The following LRRC28 variants were observed in gnomAD, a reference collection of about 807,000 sequenced individuals.
LRRC28 encodes the protein leucine-rich repeat-containing protein 28.
In LRRC28, 39 loss-of-function variants were observed where a neutral mutation model predicts 45.7. The ratio of observed to expected loss-of-function variants is 0.85; its 90% CI spans 0.66 to 1.12. The LOEUF (loss-of-function observed/expected upper bound fraction) is 1.12, where lower values mean the gene tolerates loss of function less well. Among genes scored for constraint, LRRC28 ranks in the 50% most tolerant of loss-of-function variants. LRRC28 has a pLI of 0.00. For synonymous variants in LRRC28, 206 were observed against 178.8 expected (o/e 1.15, Z -1.22); for missense variants, 435 against 438.5 (o/e 0.99, Z 0.07).
In LRRC28 at chr15:99,386,581, C is replaced by G. The variant is rs371070056; in HGVS notation, c.*479C>G. The G allele has an allele frequency of 1.3e-5, 2 of 154,568 alleles. No individual in the cohort carries two copies. Among genetic ancestry groups the G allele is most frequent in the East Asian group, 1.9e-4 (1 of 5,276 alleles). The allele number at this position is 154,568 out of a possible 1,614,324, so 9.6% of individuals were successfully genotyped here. On this transcript the variant is annotated 3_prime_UTR_variant, in exon 10 of 10. Transcript: ENST00000301981. ...GTTTTTGAGGAGTTTCAGCAAACCC[C>G]GTGGCCTCAATGGTCTTGAGTAGCA... is the stretch of plus-strand genomic sequence containing the variant.
At chr15:99,336,636 CACTCCGT>C (rs928750635) in intron 6 of LRRC28, among the ~76,000 whole-genome samples, 1 of 152,170 alleles carries the variant, frequency 6.6e-6, no homozygotes, top group Non-Finnish European at 1.5e-5. Context: ...CTCACCTACC[CACTCCGT>C]ACGCCAACCA....
intron 8 of LRRC28, among the ~76,000 whole-genome samples, chr15:99,362,643 C>T (rs1597434528): frequency 6.6e-6 from 1 of 152,214 alleles, no homozygotes; most frequent in Middle Eastern, 3.4e-3. Context: ...TTATTTCCTC[C>T]TTTTCATTCT....
chr15:99,268,629 C>G (rs1206075182), intron 2 of LRRC28, among the ~76,000 whole-genome samples: 3 of 152,146 alleles, frequency 2.0e-5, no homozygotes, highest in Non-Finnish European at 4.4e-5. Context: ...GTAAGTAAGG[C>G]ACTTGTACAC....
At chr15:99,335,181 G>A (rs991365604) in intron 6 of LRRC28, among the ~76,000 whole-genome samples, 6 of 152,102 alleles carry the variant, frequency 3.9e-5, no homozygotes, top group Non-Finnish European at 8.8e-5. Context: ...AAAAATAAAT[G>A]TACCTGCTGC....
At chr15:99,347,313 C>T (rs1956719294) in intron 6 of LRRC28, among the ~76,000 whole-genome samples, 1 of 151,990 alleles carries the variant, frequency 6.6e-6, no homozygotes, top group African/African-American at 2.4e-5. Context: ...GGGTTCACGC[C>T]CTTCTCTTGC....
intron 5 of LRRC28, among the ~76,000 whole-genome samples, chr15:99,321,854 G>T (rs549918712): frequency 6.6e-6 from 1 of 152,264 alleles, no homozygotes; most frequent in South Asian, 2.1e-4. Flanking sequence ...TTTTCTAGTG[G>T]GAGGTACACA....
In LRRC28 at chr15:99,321,914, C is replaced by T. The variant is rs1284126296; in HGVS notation, c.386-12009C>T. ...GAATAAGTAATTAAATAAGTAAATG[C>T]AGGGAGGGAATAAATAGGATGCTAC... is the stretch of plus-strand genomic sequence containing the variant. On this transcript the variant is annotated intron_variant, in intron 5 of 9. Coordinates refer to ENST00000301981, the MANE Select transcript of LRRC28 (RefSeq NM_144598.5). Among the ~76,000 whole-genome samples, 11 of 152,068 alleles carry T rather than the reference C, an allele frequency of 7.2e-5. 1 individual carries two copies. The highest frequency in any genetic ancestry group is 4.4e-5 in the Non-Finnish European group (3 of 68,010).
At chr15:99,310,774 A>G (rs1169448685) in intron 5 of LRRC28, among the ~76,000 whole-genome samples, 2 of 152,236 alleles carry the variant, frequency 1.3e-5, no homozygotes, top group African/African-American at 2.4e-5. Context: ...TTCAAGTCAT[A>G]CATGGTGGCC....
chr15:99,288,450 C>T (rs767015325), intron 5 of LRRC28, among the ~76,000 whole-genome samples: 2 of 141,954 alleles, frequency 1.4e-5, no homozygotes, highest in Non-Finnish European at 3.0e-5. Flanking sequence ...GGCACAATCT[C>T]AGCTCACTGT....
chr15:99,334,364 A>G (rs1374056801), intron 6 of LRRC28, among the ~76,000 whole-genome samples: 1 of 151,792 alleles, frequency 6.6e-6, no homozygotes, highest in African/African-American at 2.4e-5. Context: ...TTAGGGATAA[A>G]ATATATGAGA....
intron 6 of LRRC28, among the ~76,000 whole-genome samples, chr15:99,336,188 G>A (rs1956315396): frequency 1.3e-5 from 2 of 152,116 alleles, no homozygotes; most frequent in Admixed American, 6.5e-5. Flanking sequence ...CAGGTACTCT[G>A]TTTAATTGCT....
chr15:99,369,434 C>T (rs143686551), intron 9 of LRRC28, among the ~76,000 whole-genome samples: 127 of 152,226 alleles, frequency 8.3e-4, no homozygotes, highest in African/African-American at 2.7e-3. Flanking sequence ...AAGGCTGGCG[C>T]GTTCAGAACT....
intron 5 of LRRC28, among the ~76,000 whole-genome samples, chr15:99,328,115 G>T (rs1956043489): frequency 6.6e-6 from 1 of 152,186 alleles, no homozygotes; most frequent in African/African-American, 2.4e-5. Context: ...AGACTTAATA[G>T]TCTAGCATGT....
chr15:99,324,284 C>T (rs537311321), intron 5 of LRRC28, among the ~76,000 whole-genome samples: 14 of 152,230 alleles, frequency 9.2e-5, no homozygotes, highest in African/African-American at 2.6e-4. Flanking sequence ...AACTTACGGA[C>T]GGTTAATTTT....
chr15:99,255,003 A>ATTT (rs1220093089), intron 1 of LRRC28, among the ~76,000 whole-genome samples: 2 of 152,190 alleles, frequency 1.3e-5, no homozygotes, highest in Non-Finnish European at 2.9e-5. Context: ...AATAATTTAA[A>ATTT]CTAATGAGAC....
intron 3 of LRRC28, 135 bp downstream of exon 3, chr15:99,276,751 G>GA: frequency 1.8e-6 from 1 of 560,496 alleles, no homozygotes; most frequent in Non-Finnish European, 2.9e-6. Flanking sequence ...CATGTAGGTA[G>GA]ACCTGTGGTT....
intron 5 of LRRC28, among the ~76,000 whole-genome samples, chr15:99,288,400 T>G (rs1338043529): frequency 1.0e-5 from 1 of 100,166 alleles, no homozygotes; most frequent in Non-Finnish European, 2.0e-5. Context: ...TTTTTTTTTT[T>G]GAGATAGAGT....
Position 99,315,947 on chromosome 15 carries a change from C to T in LRRC28, c.386-17976C>T, listed in dbSNP as rs561055022. 6.0e-4 allele frequency among the ~76,000 whole-genome samples: 91 copies of T among 152,184 alleles called. No individual in the cohort carries two copies. In the Middle Eastern group the frequency reaches 0.014, roughly 23 times the overall value. On this transcript the variant is annotated intron_variant, in intron 5 of 9. Transcript: ENST00000301981. ...TCTTCACCTACTAGAAGCCTGTTTC[C>T]CACTCATGAAATTCTTATTTTAAAT...
At chr15:99,275,007 GAAA>G (rs76523141) in intron 2 of LRRC28, among the ~76,000 whole-genome samples, 1 of 151,234 alleles carries the variant, frequency 6.6e-6, no homozygotes, top group African/African-American at 2.4e-5. Flanking sequence ...GAATGTAAAT[GAAA>G]AAAAAATTAG....
Sources: gnomAD v4.1 joint callset for allele counts (sites outside exome capture counted in the v4.1 genomes callset) on GRCh38, gnomAD v4.1.1 for gene constraint, MANE v1.5 for transcripts, NCBI Gene and HGNC (gene_info 2026-07-23, HGNC 2026-07-21) for gene names.